The following FIG4 variants were observed in gnomAD, a reference collection of about 807,000 sequenced individuals.
FIG4 encodes the protein polyphosphoinositide phosphatase.
Under a neutral mutation model 118.6 loss-of-function variants are expected in FIG4, and 112 were observed. The observed-to-expected ratio is 0.94, with a 90% CI of 0.81 to 1.11. The LOEUF is 1.11. FIG4 is among the 50% of genes least tolerant of loss of function. The pLI is 0.00. For synonymous variants in FIG4, 369 were observed against 381.2 expected (o/e 0.97, Z 0.37); for missense variants, 969 against 1,111.7 (o/e 0.87, Z 1.83).
chr6:109,766,861 A>G lies in FIG4; in HGVS notation c.1716A>G (p.Gln572=). 1.9e-6 allele frequency: 3 copies of G among 1,614,100 alleles called. No individual in the cohort carries two copies. The highest frequency in any genetic ancestry group is 2.5e-6 in the Non-Finnish European group (3 of 1,179,988). The change falls in exon 15 of 23, where the codon CAA becomes CAG. Residue 572 remains glutamine (Q), a synonymous_variant. Transcript: ENST00000230124. ...PWTQHSKDIM[Q]TLSRYYSNAF... ...CCCAGCACTCCAAAGACATCATGCAAACCCTGTCTAGATATTACAGCAATG... is the reference window on the plus strand; with the variant it reads ...CCCAGCACTCCAAAGACATCATGCAGACCCTGTCTAGATATTACAGCAATG...
intron 22 of FIG4, among the ~76,000 whole-genome samples, chr6:109,810,640 A>G (rs1216517299): frequency 6.6e-6 from 1 of 152,228 alleles, no homozygotes; most frequent in African/African-American, 2.4e-5. Flanking sequence ...CCCAATGGGA[A>G]TTAAGATCCA....
intron 1 of FIG4, among the ~76,000 whole-genome samples, chr6:109,704,040 C>G (rs777881314): frequency 2.6e-5 from 4 of 152,152 alleles, no homozygotes; most frequent in Non-Finnish European, 4.4e-5. Context: ...ACCCACTGAG[C>G]TCTTTTACCC....
intron 22 of FIG4, among the ~76,000 whole-genome samples, chr6:109,815,425 C>T (rs1778833267): frequency 6.6e-6 from 1 of 151,950 alleles, no homozygotes; most frequent in African/African-American, 2.4e-5. Context: ...GGTTCTCACT[C>T]CCTACACTGG....
intron 6 of FIG4, 96 bp downstream of exon 6, chr6:109,735,394 C>A: frequency 1.6e-6 from 2 of 1,221,366 alleles, no homozygotes; most frequent in Non-Finnish European, 2.4e-6. Flanking sequence ...TTTGTCCATC[C>A]CTCTTTGCTG....
chr6:109,781,424 A>G (rs1214285845), intron 16 of FIG4, among the ~76,000 whole-genome samples: 1 of 152,064 alleles, frequency 6.6e-6, no homozygotes, highest in African/African-American at 2.4e-5. Context: ...AGTTGAGGTC[A>G]ATGTTCTTCT....
At chr6:109,784,030 C>T (rs1405571142) in intron 16 of FIG4, among the ~76,000 whole-genome samples, 1 of 152,084 alleles carries the variant, frequency 6.6e-6, no homozygotes, top group East Asian at 1.9e-4. Flanking sequence ...TTTCCTGTTG[C>T]TTCATAATCA....
At chr6:109,780,658 T>A (rs1777773284) in intron 16 of FIG4, among the ~76,000 whole-genome samples, 1 of 152,248 alleles carries the variant, frequency 6.6e-6, no homozygotes, top group Non-Finnish European at 1.5e-5. Context: ...CATGAGTGTT[T>A]TGAAATTTGT....
intron 16 of FIG4, among the ~76,000 whole-genome samples, chr6:109,781,463 A>G (rs555410597): frequency 6.6e-6 from 1 of 152,128 alleles, no homozygotes; most frequent in African/African-American, 2.4e-5. Flanking sequence ...TCTGGGTCCA[A>G]TAATGGTCAG....
At chr6:109,808,366 AAAAAAAAAG>A (rs1583763609) in intron 22 of FIG4, among the ~76,000 whole-genome samples, 1 of 151,552 alleles carries the variant, frequency 6.6e-6, no homozygotes, top group South Asian at 2.1e-4. Context: ...AAAAAAAAAA[AAAAAAAAAG>A]AGAGAAGAAA....
rs546007299 is a variant in FIG4 at position 109,716,131 on chromosome 6, T to C, written c.166-314T>C. Among the ~76,000 whole-genome samples the C allele has an allele frequency of 1.1e-3, 172 of 152,278 alleles. 2 individuals carry two copies. Among genetic ancestry groups the C allele is most frequent in the African/African-American group, 3.8e-3 (158 of 41,558 alleles). On this transcript the variant is annotated intron_variant, in intron 2 of 22. Transcript: ENST00000230124. ...TAAAGATGCACATTTACTCAAAATT[T>C]TGCACATAGTTTTAAGGGATTCATG...
intron 22 of FIG4, among the ~76,000 whole-genome samples, chr6:109,815,280 A>T (rs1778829465): frequency 6.6e-6 from 1 of 151,778 alleles, no homozygotes. Context: ...ACACCCACCC[A>T]CAGGGATGCC....
chr6:109,801,414 G>T (rs1293800780), intron 22 of FIG4, among the ~76,000 whole-genome samples: 6 of 152,096 alleles, frequency 3.9e-5, no homozygotes. Flanking sequence ...CGGGCAAGGT[G>T]GCAGGCGCCT....
At position 109,754,216 on chromosome 6, in the gene FIG4, G is replaced by A. The variant is rs567711006; in HGVS notation, c.1138-6034G>A. On this transcript the variant is annotated intron_variant, in intron 10 of 22. Coordinates refer to ENST00000230124, the MANE Select transcript of FIG4 (RefSeq NM_014845.6). ...AGATAATCATGTGGTTTTTGTCTTT[G>A]GTTCTGTTTATATGCTGGATTACAT... is the stretch of plus-strand genomic sequence containing the variant. Among the ~76,000 whole-genome samples, 10 of 152,196 alleles carry A rather than the reference G, an allele frequency of 6.6e-5. No homozygotes were observed. The South Asian group carries it at 2.1e-3, about 32-fold the overall frequency.
At chr6:109,802,287 T>A (rs911398203) in intron 22 of FIG4, among the ~76,000 whole-genome samples, 1 of 152,190 alleles carries the variant, frequency 6.6e-6, no homozygotes, top group Non-Finnish European at 1.5e-5. Flanking sequence ...CCCCTCACTG[T>A]CCTTTCTGTA....
chr6:109,778,929 T>C (rs1777712365), intron 16 of FIG4, among the ~76,000 whole-genome samples: 1 of 152,198 alleles, frequency 6.6e-6, no homozygotes, highest in South Asian at 2.1e-4. Context: ...TCTGTGTTGC[T>C]TCAGGAATAT....
At chr6:109,806,452 C>G (rs916146144) in intron 22 of FIG4, among the ~76,000 whole-genome samples, 3 of 151,594 alleles carry the variant, frequency 2.0e-5, no homozygotes, top group African/African-American at 7.3e-5. Context: ...TCAGGATGCC[C>G]CATAATGTGC....
At chr6:109,696,387 C>T (rs1774720418) in intron 1 of FIG4, among the ~76,000 whole-genome samples, 1 of 152,112 alleles carries the variant, frequency 6.6e-6, no homozygotes, top group African/African-American at 2.4e-5. Flanking sequence ...ATCAAGTCCC[C>T]TTATATATTC....
intron 1 of FIG4, among the ~76,000 whole-genome samples, chr6:109,695,227 G>A (rs1364560920): frequency 6.6e-6 from 1 of 152,190 alleles, no homozygotes; most frequent in Non-Finnish European, 1.5e-5. Context: ...AAAGAACCGA[G>A]GGTCCTGGGA....
At chr6:109,822,891 CTATA>C (rs902018270) in intron 22 of FIG4, among the ~76,000 whole-genome samples, 1 of 142,548 alleles carries the variant, frequency 7.0e-6, no homozygotes, top group Non-Finnish European at 1.5e-5. Flanking sequence ...TAAAGCATAA[CTATA>C]TATATATAGT....
Sources: gnomAD v4.1 joint callset for allele counts (sites outside exome capture counted in the v4.1 genomes callset) on GRCh38, gnomAD v4.1.1 for gene constraint, MANE v1.5 for transcripts, NCBI Gene and HGNC (gene_info 2026-07-23, HGNC 2026-07-21) for gene names.